Variants in KLHL13 observed in about 807,000 individuals in gnomAD.
KLHL13 encodes kelch like family member 13.
KLHL13 carries 10 observed loss-of-function variants against 37.1 expected under a neutral mutation model. The observed-to-expected ratio is 0.27, with a 90% CI of 0.17 to 0.46. The LOEUF (loss-of-function observed/expected upper bound fraction) is 0.46. KLHL13 is among the 20% of genes least tolerant of loss of function. The probability of loss-of-function intolerance (pLI) is 1.00; values close to 1 mark genes in which losing one functional copy is unlikely to be tolerated. For synonymous variants in KLHL13, 163 were observed against 181.2 expected (o/e 0.90, Z 0.81); for missense variants, 360 against 509.3 (o/e 0.71, Z 2.82).
chrX:118,111,575 T>C (rs923350508), intron 1 of KLHL13, among the ~76,000 whole-genome samples: 7 of 112,420 alleles, frequency 6.2e-5, no homozygotes, highest in East Asian at 5.6e-4. Context: ...CTCGCCAACA[T>C]GGTGAAACCC....
At chrX:118,086,166 C>T (rs2055052428) in intron 1 of KLHL13, among the ~76,000 whole-genome samples, 1 of 111,311 alleles carries the variant, frequency 9.0e-6, no homozygotes, top group African/African-American at 3.3e-5. Flanking sequence ...TGAACTCCTG[C>T]CATCAATTAT....
At chrX:117,981,445 T>G (rs2053661009) in intron 1 of KLHL13, among the ~76,000 whole-genome samples, 2 of 112,332 alleles carry the variant, frequency 1.8e-5, no homozygotes, top group Admixed American at 1.9e-4. Context: ...CTTGACTTCC[T>G]TTCTATGTCT....
At chrX:118,091,070 T>C (rs766620612) in intron 1 of KLHL13, among the ~76,000 whole-genome samples, 39 of 93,326 alleles carry the variant, frequency 4.2e-4, no homozygotes, top group African/African-American at 1.4e-3. Flanking sequence ...TAGGTGGAAA[T>C]TGAACAATGA....
intron 2 of KLHL13, among the ~76,000 whole-genome samples, chrX:117,929,041 A>C (rs753318347): frequency 8.9e-6 from 1 of 112,385 alleles, no homozygotes; most frequent in South Asian, 3.7e-4. Context: ...AAGGATAATA[A>C]GGAAATATGA....
chrX:117,989,472 C>T (rs765236), intron 1 of KLHL13, among the ~76,000 whole-genome samples: 5,743 of 106,666 alleles, frequency 0.054, 397 homozygotes, highest in African/African-American at 0.19. Flanking sequence ...TAAACACCTC[C>T]CCTCCAAAAA....
At chrX:118,032,139 A>T (rs188355851) in intron 1 of KLHL13, among the ~76,000 whole-genome samples, 203 of 111,361 alleles carry the variant, frequency 1.8e-3, no homozygotes, top group African/African-American at 6.2e-3. Context: ...GAGATCAAAC[A>T]ACAAGGCGGC....
At chrX:117,909,434 G>A (rs1930815263) in exon 5 of KLHL13, 2 of 1,211,520 alleles carry the variant, frequency 1.7e-6, no homozygotes, top group East Asian at 5.9e-5. Flanking sequence ...CAAATCTGAA[G>A]ACTGTATCAA....
At position 117,952,916 on chromosome X, in the gene KLHL13, A is replaced by G. The variant is rs1459656259; in HGVS notation, c.99-7341T>C. Among the ~76,000 whole-genome samples the G allele has an allele frequency of 5.5e-5, 6 of 109,996 alleles. No individual in the cohort carries two copies. In the Admixed American group the frequency reaches 5.8e-4, roughly 11 times the overall value. The stretch of plus-strand genomic sequence containing the variant: ...AAAGTCAGGAAACAACAGGTGCTGG[A>G]GAGGATGTGGAGAAATAGAAACACT... On this transcript the variant is annotated intron_variant, in intron 1 of 6. Transcript: ENST00000262820.
At chrX:118,015,008 G>A (rs895352711) in intron 1 of KLHL13, among the ~76,000 whole-genome samples, 5 of 112,001 alleles carry the variant, frequency 4.5e-5, no homozygotes, top group Non-Finnish European at 7.5e-5. Context: ...CCATATGACA[G>A]GAACTTAACC....
At chrX:118,113,035 T>C (rs771091113) in intron 1 of KLHL13, among the ~76,000 whole-genome samples, 1 of 112,378 alleles carries the variant, frequency 8.9e-6, no homozygotes, top group East Asian at 2.8e-4. Flanking sequence ...TATCATTCTT[T>C]GAAAAATAAA....
upstream of KLHL13, among the ~76,000 whole-genome samples, chrX:118,117,102 C>T (rs374017691): frequency 1.5e-4 from 17 of 112,972 alleles, no homozygotes; most frequent in East Asian, 2.8e-3. Flanking sequence ...GATTCTAGTG[C>T]CGGGAGGCAG....
chrX:117,905,915 T>C (rs1378449944), intron 5 of KLHL13, among the ~76,000 whole-genome samples: 1 of 111,427 alleles, frequency 9.0e-6, no homozygotes, highest in East Asian at 2.8e-4. Flanking sequence ...TAATTCATTC[T>C]AACTATTTTT....
chrX:117,954,097 A>G (rs1194986525), intron 1 of KLHL13, among the ~76,000 whole-genome samples: 1 of 111,904 alleles, frequency 8.9e-6, no homozygotes, highest in Non-Finnish European at 1.9e-5. Context: ...ATGATATTCC[A>G]TTAGATAACT....
At position 117,904,116 on chromosome X, in the gene KLHL13, A is replaced by G. The variant is rs563148170; in HGVS notation, c.1367-2170T>C. ...AGGCCCTCAGTTCAAGATAGCTATT[A>G]ACCACCAATAACAAAATTACTATAT... On this transcript the variant is annotated intron_variant, in intron 5 of 6. Transcript: ENST00000262820. Among the ~76,000 whole-genome samples, 107 of 110,680 alleles carry G rather than the reference A, an allele frequency of 9.7e-4. 1 individual carries two copies. The Middle Eastern group carries it at 0.014, about 14-fold the overall frequency.
intron 4 of KLHL13, among the ~76,000 whole-genome samples, chrX:117,911,789 C>A (rs1037308842): frequency 1.7e-4 from 19 of 111,931 alleles, no homozygotes; most frequent in Admixed American, 5.7e-4. Context: ...TTTCTTTATC[C>A]AGTCTATCAT....
At chrX:117,975,419 C>T (rs1241584696), upstream of KLHL13, among the ~76,000 whole-genome samples, 5 of 112,033 alleles carry the variant, frequency 4.5e-5, no homozygotes, top group Non-Finnish European at 9.4e-5. Context: ...GAGATGGAGT[C>T]TCCCTCTGTC....
intron 1 of KLHL13, among the ~76,000 whole-genome samples, chrX:117,948,220 G>A (rs1259623656): frequency 8.9e-6 from 1 of 111,914 alleles, no homozygotes; most frequent in Non-Finnish European, 1.9e-5. Context: ...GGAATTTACT[G>A]TCTCATGAAA....
At chrX:118,095,152 C>A (rs1156999836) in intron 1 of KLHL13, among the ~76,000 whole-genome samples, 1 of 111,292 alleles carries the variant, frequency 9.0e-6, no homozygotes. Context: ...ATGCATCTCA[C>A]ATACAGAGAC....
At chrX:118,084,435 T>C (rs1247954448) in intron 1 of KLHL13, among the ~76,000 whole-genome samples, 1 of 111,806 alleles carries the variant, frequency 8.9e-6, no homozygotes, top group Non-Finnish European at 1.9e-5. Flanking sequence ...AAAATGAACA[T>C]CACAATGCTA....
Sources: gnomAD v4.1 joint callset for allele counts (sites outside exome capture counted in the v4.1 genomes callset) on GRCh38, gnomAD v4.1.1 for gene constraint, MANE v1.5 for transcripts, NCBI Gene and HGNC (gene_info 2026-07-23, HGNC 2026-07-21) for gene names.